Variants in HELZ observed in about 807,000 individuals in gnomAD.
HELZ encodes the protein helicase with zinc finger.
In HELZ, 23 loss-of-function variants were observed where a neutral mutation model predicts 218.2. The ratio of observed to expected loss-of-function variants is 0.11; its 90% CI spans 0.08 to 0.15. HELZ has a LOEUF of 0.15. HELZ is among the 10% of genes least tolerant of loss of function. HELZ has a pLI of 1.00. For synonymous variants in HELZ, 814 were observed against 829.4 expected (o/e 0.98, Z 0.32); for missense variants, 1,813 against 2,353.7 (o/e 0.77, Z 4.75).
chr17:67,110,078 T>G (rs2037234855), intron 28 of HELZ, among the ~76,000 whole-genome samples: 1 of 152,092 alleles, frequency 6.6e-6, no homozygotes. Context: ...TTTGTTTTGT[T>G]TTTTTTTGAG....
intron 32 of HELZ, among the ~76,000 whole-genome samples, chr17:67,080,189 T>C (rs1045656923): frequency 3.3e-5 from 5 of 152,130 alleles, no homozygotes; most frequent in Non-Finnish European, 7.3e-5. Context: ...TATTTTTCCC[T>C]TGAATGGTTA....
At chr17:67,127,030 A>T (rs2037821961) in intron 24 of HELZ, among the ~76,000 whole-genome samples, 1 of 152,218 alleles carries the variant, frequency 6.6e-6, no homozygotes, top group Non-Finnish European at 1.5e-5. Flanking sequence ...ATTTTGCTCT[A>T]GGCACAGAGG....
chr17:67,171,103 T>G (rs901650881), intron 13 of HELZ, among the ~76,000 whole-genome samples: 1 of 151,932 alleles, frequency 6.6e-6, no homozygotes, highest in Admixed American at 6.6e-5. Context: ...CAAGGACTTC[T>G]GTATGGTAAT....
At chr17:67,084,662 CAAAA>C (rs58150179) in intron 32 of HELZ, among the ~76,000 whole-genome samples, 7 of 126,454 alleles carry the variant, frequency 5.5e-5, no homozygotes, top group Admixed American at 7.6e-5. Flanking sequence ...GACTCCGTCT[CAAAA>C]AAAAAAAAAA....
intron 25 of HELZ, among the ~76,000 whole-genome samples, chr17:67,123,716 C>A (rs908662473): frequency 6.6e-6 from 1 of 151,998 alleles, no homozygotes; most frequent in African/African-American, 2.4e-5. Context: ...TGGATATGTA[C>A]ATGAATACCT....
Position 67,188,432 on chromosome 17 carries a change from C to T in HELZ, c.1049G>A (p.Gly350Glu), listed in dbSNP as rs1158748727. 6.2e-7 allele frequency: 1 copy of T among 1,613,780 alleles called. No individual in the cohort carries two copies. The highest frequency in any genetic ancestry group is 8.5e-7 in the Non-Finnish European group (1 of 1,179,850). ...NGLDHYVYKVGIAFNTEIFGT... is the reference protein window; with the variant it reads ...NGLDHYVYKVEIAFNTEIFGT... The stretch of plus-strand genomic sequence containing the variant: ...AAATATTTCTGTGTTAAATGCTATC[C>T]CGACTTTATACACGTAATGATCTAA... Residue 350 changes from glycine (G) to glutamate (E), a missense_variant, in exon 12 of 33, where the codon GGG becomes GAG. Gly to Glu is a moderately conservative substitution (Grantham distance 98). This residue lies in a region of HELZ where 714 missense variants were observed against 1,029.2 expected (regional missense o/e 0.69). Transcript: ENST00000358691. This position sits in a 1 kb window ranked among gnomAD's most constrained non-coding sequence, Gnocchi z 4.1.
At chr17:67,198,678 T>A (rs1196578606) in intron 7 of HELZ, among the ~76,000 whole-genome samples, 1 of 152,104 alleles carries the variant, frequency 6.6e-6, no homozygotes, top group Non-Finnish European at 1.5e-5. Flanking sequence ...CAGTCTTGAG[T>A]TCCAGGTCTT....
At chr17:67,222,453 G>T (rs549221019) in intron 3 of HELZ, among the ~76,000 whole-genome samples, 4 of 152,122 alleles carry the variant, frequency 2.6e-5, no homozygotes, top group African/African-American at 9.7e-5. Flanking sequence ...GAGATTAAGC[G>T]CAGAACTATG....
chr17:67,094,062 A>G (rs1051244573), intron 31 of HELZ, among the ~76,000 whole-genome samples: 1 of 152,162 alleles, frequency 6.6e-6, no homozygotes, highest in African/African-American at 2.4e-5. Flanking sequence ...TGGAAACAGC[A>G]TGTAGTCCCA....
In HELZ at chr17:67,136,074, A is replaced by G. The variant is rs755402733; in HGVS notation, c.3078T>C (p.Gly1026=). Residue 1026 remains glycine (G), a synonymous_variant, in exon 23 of 33, where the codon GGT becomes GGC. Transcript: ENST00000358691. ...TGAGAAGCTTGTAGTTAGATAAAAA[A>G]CCATAATCTAAGTCCTCTGTGGAAT... ...LEDSTEDLDY[G]FLSNYKLLNT... The G allele has an allele frequency of 6.2e-7, 1 of 1,613,846 alleles. No individual in the cohort carries two copies.
chr17:67,079,973 CT>C (rs1567782234), intron 32 of HELZ, among the ~76,000 whole-genome samples: 1 of 152,038 alleles, frequency 6.6e-6, no homozygotes, highest in Non-Finnish European at 1.5e-5. Context: ...TGTGATTTCC[CT>C]TTTAATGTTA....
At chr17:67,183,990 T>A (rs937772329) in intron 12 of HELZ, among the ~76,000 whole-genome samples, 2 of 151,502 alleles carry the variant, frequency 1.3e-5, no homozygotes, top group Admixed American at 6.6e-5. Context: ...ATGCTTTAGG[T>A]ACAGTGACAG....
At chr17:67,084,677 A>G (rs2036306860) in intron 32 of HELZ, among the ~76,000 whole-genome samples, 2 of 147,860 alleles carry the variant, frequency 1.4e-5, no homozygotes, top group East Asian at 2.0e-4. Context: ...AAAAAAAAAA[A>G]GAAAGAAAAA....
At chr17:67,194,077 A>G (rs759098591) in intron 8 of HELZ, 35 bp from the exon 9 acceptor site, 79 of 1,427,478 alleles carry the variant, frequency 5.5e-5, no homozygotes, top group Non-Finnish European at 7.2e-5. Flanking sequence ...TTATCATTTG[A>G]GGCTAGCCAG....
At chr17:67,146,716 A>T (rs2038509262) in intron 20 of HELZ, among the ~76,000 whole-genome samples, 1 of 152,260 alleles carries the variant, frequency 6.6e-6, no homozygotes, top group Admixed American at 6.5e-5. Context: ...AAATAATAAA[A>T]GAATCACATT....
chr17:67,221,979 A>G (rs980512659), intron 3 of HELZ, among the ~76,000 whole-genome samples: 2 of 151,958 alleles, frequency 1.3e-5, no homozygotes, highest in Admixed American at 6.6e-5. Context: ...CTGGGACTAC[A>G]AGTGCATGCC....
At chr17:67,168,180 T>C (rs1318504440) in intron 13 of HELZ, among the ~76,000 whole-genome samples, 1 of 152,086 alleles carries the variant, frequency 6.6e-6, no homozygotes. Flanking sequence ...AGTTTTGACA[T>C]GTTGGCCAGG....
intron 22 of HELZ, among the ~76,000 whole-genome samples, chr17:67,137,721 A>G (rs1268147356): frequency 6.6e-6 from 1 of 152,222 alleles, no homozygotes; most frequent in Admixed American, 6.5e-5. Flanking sequence ...CAGAAAAGGT[A>G]TATTTGTTAA....
At chr17:67,228,707 C>CATCATTATT (rs1555628108) in intron 3 of HELZ, among the ~76,000 whole-genome samples, 1 of 147,442 alleles carries the variant, frequency 6.8e-6, no homozygotes, top group Non-Finnish European at 1.5e-5. Context: ...CAAATTGATA[C>CATCATTATT]ATTATTATTA....
Sources: allele counts gnomAD v4.1 joint callset (sites outside exome capture counted in the v4.1 genomes callset), GRCh38; gene constraint gnomAD v4.1.1; regional missense constraint gnomAD v4.1.1; non-coding constraint Gnocchi (gnomAD v3.1); transcripts MANE v1.5; gene names NCBI Gene and HGNC (gene_info 2026-07-23, HGNC 2026-07-21).